The following ARHGAP15 variants were observed in gnomAD, a reference collection of about 807,000 sequenced individuals.
The protein encoded by ARHGAP15 is rho GTPase-activating protein 15.
ARHGAP15 carries 51 observed loss-of-function variants against 63.7 expected under a neutral mutation model. The ratio of observed to expected loss-of-function variants is 0.80; its 90% CI spans 0.64 to 1.01. ARHGAP15 has a LOEUF of 1.01. ARHGAP15 is among the 50% of genes least tolerant of loss of function. The pLI is 0.00. For synonymous variants in ARHGAP15, 191 were observed against 193.8 expected (o/e 0.99, Z 0.12); for missense variants, 560 against 564.6 (o/e 0.99, Z 0.08).
chr2:143,552,114 T>A (rs191592138), intron 10 of ARHGAP15, among the ~76,000 whole-genome samples: 2 of 152,346 alleles, frequency 1.3e-5, no homozygotes, highest in East Asian at 3.9e-4. Context: ...GTGGTAGCTC[T>A]GGCCTCCTAG....
chr2:143,472,083 T>A (rs1691603498), intron 8 of ARHGAP15: 1 of 152,156 alleles, frequency 6.6e-6, no homozygotes, highest in African/African-American at 2.4e-5. Flanking sequence ...CAGCTGTGAT[T>A]ATCAAAGTAT....
chr2:143,504,159 A>C (rs1043515114), intron 9 of ARHGAP15, among the ~76,000 whole-genome samples: 15 of 152,260 alleles, frequency 9.9e-5, no homozygotes, highest in African/African-American at 3.6e-4. Flanking sequence ...AAAGAGTTTG[A>C]TGAGAAGAAG....
chr2:143,468,565 T>C (rs940939525), intron 8 of ARHGAP15, among the ~76,000 whole-genome samples: 4 of 152,054 alleles, frequency 2.6e-5, no homozygotes, highest in Admixed American at 2.6e-4. Flanking sequence ...GTTTGCCCTA[T>C]AATTAAATCC....
chr2:143,192,901 A>G (rs1310792327), intron 2 of ARHGAP15, among the ~76,000 whole-genome samples: 2 of 152,212 alleles, frequency 1.3e-5, no homozygotes, highest in Admixed American at 1.3e-4. Flanking sequence ...ACTGCTATCT[A>G]TGAGAGGTCT....
intron 6 of ARHGAP15, among the ~76,000 whole-genome samples, chr2:143,308,183 TA>T (rs1236374299): frequency 6.6e-6 from 1 of 152,152 alleles, no homozygotes; most frequent in East Asian, 1.9e-4. Flanking sequence ...AATCATTACT[TA>T]ATTGATTCAA....
intron 6 of ARHGAP15, among the ~76,000 whole-genome samples, chr2:143,271,832 C>T (rs1681303041): frequency 6.6e-6 from 1 of 152,206 alleles, no homozygotes; most frequent in Non-Finnish European, 1.5e-5. Flanking sequence ...AACTCATTCA[C>T]TCTCATCTTG....
intron 6 of ARHGAP15, among the ~76,000 whole-genome samples, chr2:143,422,683 A>G (rs1317318435): frequency 6.6e-6 from 1 of 152,126 alleles, no homozygotes; most frequent in Non-Finnish European, 1.5e-5. Context: ...TCTTGATTAC[A>G]TGTGTAACAA....
intron 2 of ARHGAP15, among the ~76,000 whole-genome samples, chr2:143,165,898 C>G (rs1210088107): frequency 6.8e-6 from 1 of 147,852 alleles, no homozygotes; most frequent in Non-Finnish European, 1.5e-5. Context: ...CCTGGATGTA[C>G]TATCCTTAAC....
intron 6 of ARHGAP15, among the ~76,000 whole-genome samples, chr2:143,256,073 C>G (rs1680410199): frequency 6.6e-6 from 1 of 152,130 alleles, no homozygotes; most frequent in Non-Finnish European, 1.5e-5. Flanking sequence ...CCAACTTTGT[C>G]ACACCAAGGA....
chr2:143,354,078 T>C (rs1045987932), intron 6 of ARHGAP15, among the ~76,000 whole-genome samples: 2 of 151,870 alleles, frequency 1.3e-5, no homozygotes, highest in Non-Finnish European at 2.9e-5. Context: ...TCCTTCCTGA[T>C]AAATGGATTC....
chr2:143,385,725 C>CCTTAAAACCTACATGATGTAAT (rs1241254907), intron 6 of ARHGAP15, among the ~76,000 whole-genome samples: 2 of 152,002 alleles, frequency 1.3e-5, no homozygotes, highest in African/African-American at 4.8e-5. Flanking sequence ...CCATATTGTT[C>CCTTAAAACCTACATGATGTAAT]TCCGAAACTA....
chr2:143,413,545 C>A (rs944683523), intron 6 of ARHGAP15, among the ~76,000 whole-genome samples: 3 of 152,110 alleles, frequency 2.0e-5, no homozygotes, highest in Non-Finnish European at 4.4e-5. Context: ...AATAGCTCAC[C>A]GTAATCTTGT....
intron 13 of ARHGAP15, among the ~76,000 whole-genome samples, chr2:143,727,583 G>A (rs1574898537): frequency 6.6e-6 from 1 of 152,148 alleles, no homozygotes; most frequent in Non-Finnish European, 1.5e-5. Context: ...CTTATGGATG[G>A]CTACATAGAT....
chr2:143,421,641 G>GA (rs368882499), intron 6 of ARHGAP15, among the ~76,000 whole-genome samples: 1 of 151,014 alleles, frequency 6.6e-6, no homozygotes. Context: ...ATCAATTAAA[G>GA]AAAAAAAGAA....
chr2:143,289,435 G>C (rs1460078390), intron 6 of ARHGAP15, among the ~76,000 whole-genome samples: 1 of 152,180 alleles, frequency 6.6e-6, no homozygotes, highest in East Asian at 1.9e-4. Context: ...TTAGGAGTTT[G>C]ATGTATTGAA....
At chr2:143,710,371 G>A (rs1291960826) in intron 13 of ARHGAP15, among the ~76,000 whole-genome samples, 1 of 152,086 alleles carries the variant, frequency 6.6e-6, no homozygotes, top group Non-Finnish European at 1.5e-5. Flanking sequence ...TGATCGCGAG[G>A]GTGAAGCAAT....
intron 6 of ARHGAP15, among the ~76,000 whole-genome samples, chr2:143,278,894 C>A (rs1295732014): frequency 3.5e-5 from 5 of 141,530 alleles, no homozygotes; most frequent in Non-Finnish European, 7.5e-5. Context: ...GGCCAGGCTA[C>A]ATGTAAGATG....
chr2:143,632,754 T>C (rs1680108397), intron 12 of ARHGAP15, among the ~76,000 whole-genome samples: 1 of 152,176 alleles, frequency 6.6e-6, no homozygotes, highest in Admixed American at 6.5e-5. Context: ...CCATTTTGCC[T>C]TTAGAGTATA....
intron 6 of ARHGAP15, among the ~76,000 whole-genome samples, chr2:143,363,853 T>G (rs932669072): frequency 2.0e-5 from 3 of 152,128 alleles, no homozygotes; most frequent in Non-Finnish European, 4.4e-5. Context: ...AGAACTGGGT[T>G]CCAAACAATA....
Sources: allele counts gnomAD v4.1 joint callset (sites outside exome capture counted in the v4.1 genomes callset), GRCh38; gene constraint gnomAD v4.1.1; transcripts MANE v1.5; gene names NCBI Gene and HGNC (gene_info 2026-07-23, HGNC 2026-07-21).